The following ADGRB1 variants were observed in gnomAD, a reference collection of about 807,000 sequenced individuals.
The protein encoded by ADGRB1 is adhesion G protein-coupled receptor B1, also known as brain-specific angiogenesis inhibitor 1.
In ADGRB1, 36 loss-of-function variants were observed where a neutral mutation model predicts 175.7. The ratio of observed to expected loss-of-function variants is 0.20; its 90% confidence interval spans 0.16 to 0.27. The LOEUF (loss-of-function observed/expected upper bound fraction) is 0.27, where lower values mean the gene tolerates loss of function less well. ADGRB1 is among the 10% of genes least tolerant of loss of function. ADGRB1 has a pLI of 1.00. For missense variants in ADGRB1, 1,731 were observed against 2,255.3 expected (o/e 0.77, Z 4.71); for synonymous variants, 1,054 against 979.4 (o/e 1.08, Z -1.42).
chr8:142,503,494 A>G (rs1842721476), intron 17 of ADGRB1, among the ~76,000 whole-genome samples: 1 of 152,094 alleles, frequency 6.6e-6, no homozygotes, highest in African/African-American at 2.4e-5. Context: ...AGGTCTGGGC[A>G]GTGGCCCCCT....
In ADGRB1 at chr8:142,478,273, C is replaced by G; in HGVS notation, c.1474C>G (p.Arg492Gly). ...SCSQGRQQRT[R>G]ECNGPSYGGA... ...CTCCCAGGGCCGACAGCAGCGCACG[C>G]GTGAATGCAACGGGCCTTCCTACGG... The change falls in exon 7 of 31, where the codon CGT (arginine) becomes GGT (glycine). Residue 492 changes from arginine (R) to glycine (G), a missense_variant. This residue lies in a region of ADGRB1 where 388 missense variants were observed against 630.9 expected (regional missense o/e 0.61). Coordinates refer to ENST00000517894, the MANE Select transcript of ADGRB1 (RefSeq NM_001702.3). 6.2e-7 allele frequency: 1 copy of G among 1,610,446 alleles called. No homozygotes were observed.
At chr8:142,487,834 CCTT>C (rs771370234) in intron 13 of ADGRB1, among the ~76,000 whole-genome samples, 15 of 152,240 alleles carry the variant, frequency 9.9e-5, no homozygotes, top group Non-Finnish European at 2.1e-4. Context: ...ACACTGGATC[CCTT>C]CTTTCACCGT....
rs372607055 is a variant in ADGRB1, at chr8:142,479,367, G to A, written c.1606G>A (p.Val536Ile). Residue 536 changes from valine to isoleucine, a missense_variant, in exon 8 of 31, where the codon GTC (valine) becomes ATC (isoleucine). Coordinates refer to ENST00000517894, the MANE Select transcript of ADGRB1 (RefSeq NM_001702.3). Reference protein sequence around the residue: ...QAWASWGSCSVTCGAGSQRRE... With the variant: ...QAWASWGSCSITCGAGSQRRE... ...CTGGGCGTCATGGGGCAGTTGCAGC[G>A]TCACGTGTGGGGCTGGCAGCCAGCG... The A allele has an allele frequency of 3.5e-5, 54 of 1,534,622 alleles. No homozygotes were observed. The highest frequency in any genetic ancestry group is 6.6e-5 in the Admixed American group (3 of 45,216).
Position 142,544,247 on chromosome 8 carries a change from A to T in ADGRB1, c.4585A>T (p.Arg1529Trp), listed in dbSNP as rs1389275877. ...GGAAAAGCAGCAGACGCCCAACAAG[A>T]GGCCCTGGGAGAGCCTCCGGAAAGC... The part of the protein sequence containing the change: ...KPEKQQTPNK[R>W]PWESLRKAHG... The change falls in exon 31 of 31, where the codon AGG becomes TGG. Residue 1529 changes from arginine to tryptophan, a missense_variant. Arg to Trp is a moderately radical substitution (Grantham distance 101, BLOSUM62 -3). This residue lies in a region of ADGRB1 where 394 missense variants were observed against 410.2 expected (regional missense o/e 0.96). Coordinates refer to ENST00000517894, the MANE Select transcript of ADGRB1 (RefSeq NM_001702.3). 1 of 1,549,048 alleles carries T rather than the reference A, an allele frequency of 6.5e-7. No individual in the cohort carries two copies. Among genetic ancestry groups the T allele is most frequent in the East Asian group, 2.4e-5 (1 of 40,898 alleles).
Position 142,542,106 on chromosome 8 carries a change from C to T in ADGRB1, c.3872C>T (p.Ser1291Leu). 6.2e-7 allele frequency: 1 copy of T among 1,613,482 alleles called. No homozygotes were observed. Among genetic ancestry groups the T allele is most frequent in the African/African-American group, 1.3e-5 (1 of 75,058 alleles). The change falls in exon 28 of 31, where the codon TCA (serine) becomes TTA (leucine). Residue 1291 changes from serine to leucine, a missense_variant. By Grantham distance (145) the Ser-to-Leu change is moderately radical. This residue lies in a region of ADGRB1 where 394 missense variants were observed against 410.2 expected (regional missense o/e 0.96). Coordinates refer to ENST00000517894, the MANE Select transcript of ADGRB1 (RefSeq NM_001702.3). The surrounding 1 kb of genome is among the most constrained non-coding windows in gnomAD (Gnocchi z 6.3). ...GTGTCCAAGCTGCACCTGCACGGCT[C>T]ACCCCGCTATCCCGGCGGGCCCCTG... ...ANVSKLHLHG[S>L]PRYPGGPLPD...
In ADGRB1 at chr8:142,484,646, T is replaced by C. The variant is rs1026346837; in HGVS notation, c.2200-10T>C. On this transcript the variant is annotated splice_polypyrimidine_tract_variant and intron_variant, in intron 12 of 30. Coordinates refer to ENST00000517894, the MANE Select transcript of ADGRB1 (RefSeq NM_001702.3). Reference sequence around the variant, plus strand: ...CTCCTCCCTCGGCTGCTCACCCCCCTGCCCTCCAGGCGGGCCCCAACGCCA... The same window carrying C: ...CTCCTCCCTCGGCTGCTCACCCCCCCGCCCTCCAGGCGGGCCCCAACGCCA... 1.2e-6 allele frequency: 2 copies of C among 1,604,676 alleles called. No individual in the cohort carries two copies. The highest frequency in any genetic ancestry group is 1.7e-6 in the Non-Finnish European group (2 of 1,176,518).
At chr8:142,453,588 A>G (rs1839488901) in intron 1 of ADGRB1, among the ~76,000 whole-genome samples, 1 of 152,118 alleles carries the variant, frequency 6.6e-6, no homozygotes, top group African/African-American at 2.4e-5. Context: ...CCCCCTGTAG[A>G]CAGCCGGCGT....
At chr8:142,471,806 G>C (rs1014473073) in intron 2 of ADGRB1, among the ~76,000 whole-genome samples, 11 of 152,338 alleles carry the variant, frequency 7.2e-5, no homozygotes, top group Non-Finnish European at 1.5e-4. Context: ...ACCTCCAGTA[G>C]GAGCGGCTGG....
chr8:142,457,297 G>T (rs1839734338), intron 1 of ADGRB1, among the ~76,000 whole-genome samples: 1 of 152,226 alleles, frequency 6.6e-6, no homozygotes, highest in South Asian at 2.1e-4. Context: ...GCCTTCTGCA[G>T]GTGGGGGGTC....
In ADGRB1 at chr8:142,508,844, G is replaced by A. The variant is rs777305070; in HGVS notation, c.2676-2088G>A. Reference sequence around the variant, plus strand: ...GCCTCATGCTTCTAAACCCTGGCCCGTGAAACAGGATCCTGGCCTCACACC... The same window carrying A: ...GCCTCATGCTTCTAAACCCTGGCCCATGAAACAGGATCCTGGCCTCACACC... On this transcript the variant is annotated intron_variant, in intron 17 of 30. Transcript: ENST00000517894. Among the ~76,000 whole-genome samples the A allele has an allele frequency of 6.6e-5, 10 of 152,236 alleles. No individual in the cohort carries two copies. In the East Asian group the frequency reaches 7.7e-4, roughly 12 times the overall value.
rs1241594883 is a variant in ADGRB1, at chr8:142,538,379, C to T, written c.3667-995C>T. ...GACGGCCACTTCGGCTCTTGGGTGA[C>T]GTCCAGGCAGGCCCCTCATGGCTCC... On this transcript the variant is annotated intron_variant, in intron 26 of 30. Transcript: ENST00000517894. Among the ~76,000 whole-genome samples the T allele has an allele frequency of 3.3e-5, 5 of 152,160 alleles. No individual in the cohort carries two copies. The East Asian group carries it at 5.8e-4, about 18-fold the overall frequency.
At chr8:142,497,170 C>T (rs1299038824) in intron 17 of ADGRB1, among the ~76,000 whole-genome samples, 2 of 152,256 alleles carry the variant, frequency 1.3e-5, no homozygotes, top group Non-Finnish European at 2.9e-5. Context: ...GATCCAGGGC[C>T]ACCTCATGGT....
chr8:142,475,899 G>GGCTGGCCCGTGGGAGTGGGT (rs1840945636), intron 3 of ADGRB1, among the ~76,000 whole-genome samples: 1 of 152,234 alleles, frequency 6.6e-6, no homozygotes, highest in Non-Finnish European at 1.5e-5. Context: ...CTAAACTCGG[G>GGCTGGCCCGTGGGAGTGGGT]GCTGGCCCGT....
At position 142,493,730 on chromosome 8, in the gene ADGRB1, T is replaced by A. The variant is rs73714308; in HGVS notation, c.2675+2915T>A. On this transcript the variant is annotated intron_variant, in intron 17 of 30. Transcript: ENST00000517894. The surrounding 1 kb of genome is among the most constrained non-coding windows in gnomAD (Gnocchi z 5.0). ...AAAGCACAGCGCAGTGATCGAGGCC[T>A]TCTGCTCTGGAACTGGGCAGCCTGG... Among the ~76,000 whole-genome samples, 10,919 of 152,302 alleles carry A rather than the reference T, an allele frequency of 0.072. 1,146 individuals carry two copies. Among genetic ancestry groups the A allele is most frequent in the African/African-American group, 0.23 (9,436 of 41,532 alleles).
chr8:142,456,449 G>A (rs1031125791), intron 1 of ADGRB1, among the ~76,000 whole-genome samples: 4 of 151,944 alleles, frequency 2.6e-5, no homozygotes, highest in South Asian at 2.1e-4. Context: ...TCACCCCCCC[G>A]AAGCACACAT....
intron 22 of ADGRB1, among the ~76,000 whole-genome samples, chr8:142,523,948 G>A (rs1055247181): frequency 1.4e-4 from 21 of 152,106 alleles, no homozygotes; most frequent in Non-Finnish European, 2.9e-4. Flanking sequence ...CAGTCAGGTG[G>A]CCTTGGCCCT....
chr8:142,534,195 G>A (rs373809266), intron 25 of ADGRB1, among the ~76,000 whole-genome samples: 23 of 152,342 alleles, frequency 1.5e-4, no homozygotes, highest in Non-Finnish European at 2.4e-4. Flanking sequence ...CCCAGGCTTC[G>A]GCCAGCTGCA....
intron 18 of ADGRB1, among the ~76,000 whole-genome samples, chr8:142,513,652 G>A (rs571293817): frequency 1.3e-5 from 2 of 152,304 alleles, no homozygotes; most frequent in African/African-American, 4.8e-5. Flanking sequence ...GCTGCGGGTG[G>A]GCTCTGGGTG....
chr8:142,521,508 G>C (rs891557846), intron 20 of ADGRB1, among the ~76,000 whole-genome samples: 1 of 152,242 alleles, frequency 6.6e-6, no homozygotes, highest in Non-Finnish European at 1.5e-5. Context: ...AAAGCAAGAG[G>C]GCCCGCAGTG....
Sources: allele counts gnomAD v4.1 joint callset (sites outside exome capture counted in the v4.1 genomes callset), GRCh38; gene constraint gnomAD v4.1.1; regional missense constraint gnomAD v4.1.1; non-coding constraint Gnocchi (gnomAD v3.1); transcripts MANE v1.5; gene names NCBI Gene and HGNC (gene_info 2026-07-23, HGNC 2026-07-21).